CACNA1C: variants seen among roughly 807,000 people sequenced by gnomAD.
CACNA1C encodes the protein voltage-dependent L-type calcium channel subunit alpha-1C.
A neutral mutation model predicts 229.0 loss-of-function variants in CACNA1C; 30 were observed. The ratio of observed to expected loss-of-function variants is 0.13; its 90% CI spans 0.10 to 0.18. The LOEUF (loss-of-function observed/expected upper bound fraction) is 0.18, where lower values mean the gene tolerates loss of function less well. Among genes scored for constraint, CACNA1C ranks in the 10% least tolerant of loss-of-function variants. The probability of loss-of-function intolerance (pLI) is 1.00; values close to 1 mark genes in which losing one functional copy is unlikely to be tolerated. For missense variants in CACNA1C, 1,658 were observed against 2,845.0 expected (o/e 0.58, Z 9.49); for synonymous variants, 1,114 against 1,132.5 (o/e 0.98, Z 0.33).
chr12:2,536,666 A>C (rs2099856365), intron 9 of CACNA1C, among the ~76,000 whole-genome samples: 1 of 152,038 alleles, frequency 6.6e-6, no homozygotes, highest in Admixed American at 6.6e-5. Context: ...TTGTCTCTAC[A>C]AAAAATTTAA....
At chr12:2,264,631 G>GT (rs1384089628) in intron 3 of CACNA1C, among the ~76,000 whole-genome samples, 2 of 152,176 alleles carry the variant, frequency 1.3e-5, no homozygotes, top group South Asian at 2.1e-4. Flanking sequence ...TTCCACATGG[G>GT]TTTTTTACTG....
chr12:2,480,318 C>G (rs956991997), intron 5 of CACNA1C, among the ~76,000 whole-genome samples: 11 of 152,190 alleles, frequency 7.2e-5, no homozygotes, highest in Non-Finnish European at 1.5e-4. Flanking sequence ...GGTCCTCTCC[C>G]CATTCAGCCT....
chr12:2,567,355 A>C (rs1453341954), intron 12 of CACNA1C, among the ~76,000 whole-genome samples: 1 of 152,232 alleles, frequency 6.6e-6, no homozygotes, highest in African/African-American at 2.4e-5. Flanking sequence ...CCTATGGTGC[A>C]TGGGAGATGC....
intron 7 of CACNA1C, among the ~76,000 whole-genome samples, chr12:2,500,525 A>C (rs74053460): frequency 0.012 from 1,829 of 152,098 alleles, 24 homozygotes; most frequent in African/African-American, 0.042. Context: ...ATCGAGCCCA[A>C]CTCCCACTCG....
At chr12:2,120,300 T>C (rs761891438) in intron 2 of CACNA1C, 25 bp from the exon 3 acceptor site, 4 of 1,085,730 alleles carry the variant, frequency 3.7e-6, no homozygotes, top group Non-Finnish European at 5.7e-6. Context: ...TCTGTGGCAT[T>C]AACTTCCTTG....
At chr12:2,380,318 C>G (rs1254373248) in intron 3 of CACNA1C, among the ~76,000 whole-genome samples, 1 of 152,192 alleles carries the variant, frequency 6.6e-6, no homozygotes. Flanking sequence ...GCTTTGCAAG[C>G]TTTAACACGT....
At chr12:2,296,648 C>G (rs2154464955) in intron 3 of CACNA1C, among the ~76,000 whole-genome samples, 1 of 152,208 alleles carries the variant, frequency 6.6e-6, no homozygotes, top group Admixed American at 6.5e-5. Flanking sequence ...TCACACTACA[C>G]TATCTAAATT....
chr12:2,364,151 C>G (rs1045974456), intron 3 of CACNA1C, among the ~76,000 whole-genome samples: 1 of 152,160 alleles, frequency 6.6e-6, no homozygotes, highest in African/African-American at 2.4e-5. Flanking sequence ...GAGGTGAGGC[C>G]GGAGTGAAGG....
chr12:2,313,205 C>T (rs150735471), intron 3 of CACNA1C, among the ~76,000 whole-genome samples: 9 of 152,238 alleles, frequency 5.9e-5, no homozygotes, highest in East Asian at 5.8e-4. Flanking sequence ...GGAGAGTGTG[C>T]GAGGACTGGT....
chr12:2,461,944 A>T (rs1422841546), intron 5 of CACNA1C, among the ~76,000 whole-genome samples: 1 of 152,130 alleles, frequency 6.6e-6, no homozygotes, highest in Non-Finnish European at 1.5e-5. Context: ...CGGCCCTCTG[A>T]ACAGCCAAGT....
chr12:2,593,360 T>G lies in CACNA1C; in HGVS notation c.2663+15T>G, dbSNP rs182986691. On this transcript the variant is annotated intron_variant, in intron 19 of 46. Transcript: ENST00000399655. The stretch of plus-strand genomic sequence containing the variant: ...TCTAACAACAGGTGTGCAGCAATGG[T>G]GGGGAAGGTGGGGTCCTGCTCTCTC... 1.9e-5 allele frequency: 30 copies of G among 1,613,000 alleles called. No homozygotes were observed. The highest frequency in any genetic ancestry group is 1.1e-4 in the African/African-American group (8 of 74,972).
rs2090980713 is a variant in CACNA1C at position 2,128,367 on chromosome 12, A to G, written c.477+7937A>G. 2.6e-5 allele frequency among the ~76,000 whole-genome samples: 4 copies of G among 152,218 alleles called. No homozygotes were observed. The South Asian group carries it at 8.3e-4, about 32-fold the overall frequency. ...CAAACAAAATTTGGTTCTGTTGCAA[A>G]ATAAATTCAGTAAGTACCAAGTTAG... is the stretch of plus-strand genomic sequence containing the variant. On this transcript the variant is annotated intron_variant, in intron 3 of 46. Transcript: ENST00000399655.
In CACNA1C at chr12:2,680,135, G is replaced by A. The variant is rs3794287; in HGVS notation, c.5444+339G>A. ...GAAACCATCCCGTCTGCCCTTCCCCGAGTCTCTGCCCAAACCTGGCCTTTC... is the reference window on the plus strand; with the variant it reads ...GAAACCATCCCGTCTGCCCTTCCCCAAGTCTCTGCCCAAACCTGGCCTTTC... On this transcript the variant is annotated intron_variant, in intron 42 of 46. Coordinates refer to ENST00000399655, the MANE Select transcript of CACNA1C (RefSeq NM_000719.7). Among the ~76,000 whole-genome samples, 470 of 152,230 alleles carry A rather than the reference G, an allele frequency of 3.1e-3. 4 individuals carry two copies. The highest frequency in any genetic ancestry group is 0.028 in the East Asian group (145 of 5,166).
chr12:2,407,806 G>C (rs186976652), intron 3 of CACNA1C, among the ~76,000 whole-genome samples: 3 of 152,312 alleles, frequency 2.0e-5, no homozygotes, highest in Admixed American at 6.5e-5. Context: ...TAGTGATGTC[G>C]AGCATCTTTT....
chr12:2,506,435 C>T (rs958853952), intron 8 of CACNA1C, among the ~76,000 whole-genome samples: 5 of 152,114 alleles, frequency 3.3e-5, no homozygotes, highest in Non-Finnish European at 5.9e-5. Flanking sequence ...TTAGTTTCCC[C>T]ATCTGAAAAA....
intron 3 of CACNA1C, among the ~76,000 whole-genome samples, chr12:2,397,232 A>T (rs950263110): frequency 3.3e-5 from 5 of 152,258 alleles, no homozygotes; most frequent in African/African-American, 1.2e-4. Flanking sequence ...AGTGTTATCC[A>T]TCAAGAAGAG....
At position 2,420,145 on chromosome 12, in the gene CACNA1C, G is replaced by GTGTGTC. The variant is rs1260767453; in HGVS notation, c.478-28828_478-28827insGTCTGT. 1.7e-4 allele frequency among the ~76,000 whole-genome samples: 26 copies of GTGTGTC among 150,182 alleles called. 1 individual carries two copies. The highest frequency in any genetic ancestry group is 3.7e-4 in the African/African-American group (15 of 40,558). ...TGTGTGTGTGTGTGTGTGTGTGTGT[G>GTGTGTC]TGTAGGGGGAGGGAGCATTCAACAG... On this transcript the variant is annotated intron_variant, in intron 3 of 46. Coordinates refer to ENST00000399655, the MANE Select transcript of CACNA1C (RefSeq NM_000719.7).
At chr12:2,617,345 C>G (rs964206005) in intron 29 of CACNA1C, among the ~76,000 whole-genome samples, 1 of 152,208 alleles carries the variant, frequency 6.6e-6, no homozygotes, top group African/African-American at 2.4e-5. Context: ...AGCCTTGCCC[C>G]GGTCTCACTG....
At chr12:2,125,454 G>C (rs998969648) in intron 3 of CACNA1C, among the ~76,000 whole-genome samples, 1 of 152,034 alleles carries the variant, frequency 6.6e-6, no homozygotes, top group South Asian at 2.1e-4. Context: ...TATGTACCCC[G>C]AAAATGAAGC....
Sources: gnomAD v4.1 joint callset for allele counts (sites outside exome capture counted in the v4.1 genomes callset) on GRCh38, gnomAD v4.1.1 for gene constraint, MANE v1.5 for transcripts, NCBI Gene and HGNC (gene_info 2026-07-23, HGNC 2026-07-21) for gene names.